The following EIF2D variants were observed in gnomAD, a reference collection of about 807,000 sequenced individuals.
The protein encoded by EIF2D is eukaryotic translation initiation factor 2D, also known as hepatocellular carcinoma-associated antigen 56.
In EIF2D, 56 loss-of-function variants were observed where a neutral mutation model predicts 77.4. That is an observed-to-expected ratio of 0.72 (90% confidence interval 0.58 to 0.90). The LOEUF is 0.90. Among genes scored for constraint, EIF2D ranks in the 40% least tolerant of loss-of-function variants. EIF2D has a pLI of 0.00. For missense variants in EIF2D, 574 were observed against 706.5 expected, an observed-to-expected ratio of 0.81 and a Z score of 2.13; for synonymous variants, 230 against 271.0, an observed-to-expected ratio of 0.85 and a Z score of 1.49.
In EIF2D at chr1:206,612,394, A is replaced by C; in HGVS notation, c.-52T>G. The C allele has an allele frequency of 2.5e-6, 4 of 1,612,328 alleles. No individual in the cohort carries two copies. Among genetic ancestry groups the C allele is most frequent in the Non-Finnish European group, 3.4e-6 (4 of 1,178,352 alleles). On this transcript the variant is annotated 5_prime_UTR_variant, in exon 1 of 15. Transcript: ENST00000271764. ...AGCACAGAAGCCAGGGAATGTCAAG[A>C]AAGCGAGGGCGCAGCAGCTGCCAGG...
At position 206,612,408 on chromosome 1, in the gene EIF2D, G is replaced by A. The variant is rs1670548943; in HGVS notation, c.-66C>T. Reference sequence around the variant, plus strand: ...GGAATGTCAAGAAAGCGAGGGCGCAGCAGCTGCCAGGCCCTCAGCCGTGGG... The same window carrying A: ...GGAATGTCAAGAAAGCGAGGGCGCAACAGCTGCCAGGCCCTCAGCCGTGGG... On this transcript the variant is annotated 5_prime_UTR_variant, in exon 1 of 15. Transcript: ENST00000271764. The A allele has an allele frequency of 1.9e-6, 3 of 1,602,652 alleles. No homozygotes were observed. The highest frequency in any genetic ancestry group is 1.7e-5 in the Admixed American group (1 of 59,964).
chr1:206,593,803 C>A lies in EIF2D; in HGVS notation c.1510-10G>T. 6.3e-7 allele frequency: 1 copy of A among 1,589,434 alleles called. No homozygotes were observed. Among genetic ancestry groups the A allele is most frequent in the Non-Finnish European group, 8.6e-7 (1 of 1,162,380 alleles). ...TCCGGACCACGGTCACCTGGGGGGA[C>A]AGTGGGGACAGAGACTGACGGTGGT... is the stretch of plus-strand genomic sequence containing the variant. On this transcript the variant is annotated splice_polypyrimidine_tract_variant and intron_variant, in intron 13 of 14. Coordinates refer to ENST00000271764, the MANE Select transcript of EIF2D (RefSeq NM_006893.3).
intron 2 of EIF2D, chr1:206,583,115 C>G (rs1255853890): frequency 4.8e-5 from 28 of 585,928 alleles, no homozygotes; most frequent in Non-Finnish European, 8.1e-5. Context: ...AATTTGACCT[C>G]TCATTGTCTC....
At chr1:206,583,273 T>G (rs1668966513) in intron 2 of EIF2D, 1 of 1,608,766 alleles carries the variant, frequency 6.2e-7, no homozygotes, top group Non-Finnish European at 8.5e-7. Flanking sequence ...TTCCAGAATG[T>G]CTGTAAACCT....
At chr1:206,593,332 G>A (rs370655959) in intron 14 of EIF2D, among the ~76,000 whole-genome samples, 1 of 152,050 alleles carries the variant, frequency 6.6e-6, no homozygotes. Context: ...CTCGCCATAT[G>A]TTTTATAGAA....
rs139694783 is a variant in EIF2D at position 206,598,900 on chromosome 1, T to C, written c.1292+103A>G. The C allele has an allele frequency of 6.1e-6, 7 of 1,146,344 alleles. No homozygotes were observed. In the African/African-American group the frequency reaches 9.1e-5, roughly 15 times the overall value. The allele number at this position is 1,146,344 out of a possible 1,614,324, so 71.0% of individuals were successfully genotyped here. A position where few individuals can be genotyped will look rare whatever the true frequency, so the allele number is the denominator to read the frequency against. ...CTGATCTTAATTACCTCTAAGATGC[T>C]ATGGTTTTCTATTCTCCCTCCCAGA... On this transcript the variant is annotated intron_variant, in intron 11 of 14. Coordinates refer to ENST00000271764, the MANE Select transcript of EIF2D (RefSeq NM_006893.3).
At position 206,595,728 on chromosome 1, in the gene EIF2D, G is replaced by C. The variant is rs1553409892; in HGVS notation, c.1499C>G (p.Ser500Cys). ...PIDITLAQRA[S>C]NKKVTVVRNL... is the part of the protein sequence containing the mutation. ...TCTTTCTAAAATTACCTTTTTATTAGACGCTCTTTGTGCTAGGGTGATGTC... is the reference window on the plus strand; with the variant it reads ...TCTTTCTAAAATTACCTTTTTATTACACGCTCTTTGTGCTAGGGTGATGTC... Residue 500 changes from serine (S) to cysteine (C), a missense_variant, in exon 13 of 15, where the codon TCT becomes TGT. Physicochemically the swap from Ser to Cys is moderately radical, Grantham distance 112. Transcript: ENST00000271764. 1 of 1,613,360 alleles carries C rather than the reference G, an allele frequency of 6.2e-7. No individual in the cohort carries two copies. The highest frequency in any genetic ancestry group is 1.1e-5 in the South Asian group (1 of 91,044).
At position 206,612,448 on chromosome 1, in the gene EIF2D, G is replaced by C; in HGVS notation, c.-106C>G. The C allele has an allele frequency of 6.8e-7, 1 of 1,474,844 alleles. No homozygotes were observed. The highest frequency in any genetic ancestry group is 9.4e-7 in the Non-Finnish European group (1 of 1,062,128). 91.4% of individuals were successfully genotyped at this position (1,474,844 alleles called of 1,614,324 possible). ...TCAGCCGTGGGGGCAGCCATGCTGG[G>C]GCCCGGCCGCGAAAAGGGCCCGGCT... is the stretch of plus-strand genomic sequence containing the variant. On this transcript the variant is annotated 5_prime_UTR_variant, in exon 1 of 15. Transcript: ENST00000271764.
downstream of EIF2D, among the ~76,000 whole-genome samples, chr1:206,591,395 C>T (rs1316611660): frequency 6.6e-6 from 1 of 152,076 alleles, no homozygotes; most frequent in Non-Finnish European, 1.5e-5. Context: ...TGTGAAGGAA[C>T]TATTTTGGGG....
intron 5 of EIF2D, chr1:206,605,132 T>C (rs1553412380): frequency 6.5e-6 from 2 of 308,386 alleles, no homozygotes; most frequent in Non-Finnish European, 1.2e-5. Context: ...CGAGTATCAC[T>C]GTACTGAGAG....
intron 2 of EIF2D, among the ~76,000 whole-genome samples, chr1:206,582,609 T>C (rs1006253768): frequency 5.3e-5 from 8 of 152,254 alleles, no homozygotes; most frequent in South Asian, 4.1e-4. Context: ...TCCTCTTTTA[T>C]GGTAGAGGGG....
At chr1:206,586,938 TGGA>T, downstream of EIF2D, 3 of 1,614,216 alleles carry the variant, frequency 1.9e-6, no homozygotes, top group Non-Finnish European at 2.5e-6. Flanking sequence ...AGGCAGAAAC[TGGA>T]GGAGGCCTTA....
intron 4 of EIF2D, among the ~76,000 whole-genome samples, chr1:206,573,047 T>C (rs1668504401): frequency 6.6e-6 from 1 of 152,272 alleles, no homozygotes; most frequent in Non-Finnish European, 1.5e-5. Context: ...GTGATGATGA[T>C]AATTTGGATG....
chr1:206,572,397 T>C (rs10863711), intron 5 of EIF2D, among the ~76,000 whole-genome samples: 83,890 of 151,868 alleles, frequency 0.55, 23,400 homozygotes, highest in Middle Eastern at 0.68. Flanking sequence ...CCTCCAGAAT[T>C]GAGTACATGG....
chr1:206,608,624 C>T (rs1253733670), intron 3 of EIF2D, among the ~76,000 whole-genome samples: 1 of 152,190 alleles, frequency 6.6e-6, no homozygotes, highest in African/African-American at 2.4e-5. Context: ...ATGCCTGTGG[C>T]TTACGCTTTT....
At position 206,599,010 on chromosome 1, in the gene EIF2D, T is replaced by G. The variant is rs782293898; in HGVS notation, c.1285A>C (p.Asn429His). 6.2e-7 allele frequency: 1 copy of G among 1,614,176 alleles called. No individual in the cohort carries two copies. The highest frequency in any genetic ancestry group is 1.1e-5 in the South Asian group (1 of 91,082). The part of the protein sequence containing the change: ...AKKNDLVDAD[N>H]KNLVRLDPIL... ...TGCTTCTCATGCACTCACTTTTTGT[T>G]GTCTGCATCAACCAGGTCATTTTTC... Residue 429 changes from asparagine to histidine, a missense_variant, in exon 11 of 15, where the codon AAC becomes CAC. Transcript: ENST00000271764. The surrounding 1 kb of genome is among the most constrained non-coding windows in gnomAD (Gnocchi z 4.1).
At chr1:206,593,398 G>A (rs1553409289) in intron 14 of EIF2D, among the ~76,000 whole-genome samples, 1 of 151,678 alleles carries the variant, frequency 6.6e-6, no homozygotes, top group African/African-American at 2.4e-5. Flanking sequence ...CACTGAATTT[G>A]GAAGGAGCCA....
Position 206,611,280 on chromosome 1 carries a change from C to T in EIF2D, c.151G>A (p.Val51Met), listed in dbSNP as rs1553413937. The change falls in exon 2 of 15, where the codon GTG becomes ATG. Residue 51 changes from valine to methionine, a missense_variant. Physicochemically the swap from Val to Met is conservative, Grantham distance 21. Coordinates refer to ENST00000271764, the MANE Select transcript of EIF2D (RefSeq NM_006893.3). ...LVPGKEELNI[V>M]KLYAHKGDAV... ...TCCCCTTTGTGAGCATACAACTTCA[C>T]AATGTTGAGCTCCTCCTTTCCAGGT... is the stretch of plus-strand genomic sequence containing the variant. The T allele has an allele frequency of 5.0e-6, 8 of 1,614,234 alleles. No homozygotes were observed. Among genetic ancestry groups the T allele is most frequent in the South Asian group, 1.1e-5 (1 of 91,084 alleles).
chr1:206,603,265 A>T, intron 5 of EIF2D, 61 bp from the exon 6 acceptor site: 1 of 1,576,432 alleles, frequency 6.3e-7, no homozygotes, highest in South Asian at 1.2e-5. Context: ...AGCCCTGGCC[A>T]CAGAGGAGTC....
Sources: gnomAD v4.1 joint callset for allele counts (sites outside exome capture counted in the v4.1 genomes callset) on GRCh38, gnomAD v4.1.1 for gene constraint, Gnocchi (gnomAD v3.1) non-coding constraint, MANE v1.5 for transcripts, NCBI Gene and HGNC (gene_info 2026-07-23, HGNC 2026-07-21) for gene names.